ITGAD: variants seen among roughly 807,000 people sequenced by gnomAD.
ITGAD encodes integrin alpha-D.
In ITGAD, 105 loss-of-function variants were observed where a neutral mutation model predicts 139.0. The ratio of observed to expected loss-of-function variants is 0.76; its 90% confidence interval spans 0.65 to 0.89. ITGAD has a LOEUF of 0.89. Among genes scored for constraint, ITGAD ranks in the 40% least tolerant of loss-of-function variants. The pLI, the probability that ITGAD is intolerant of heterozygous loss-of-function variation, is 0.00. For missense variants in ITGAD, 1,384 were observed against 1,487.3 expected (o/e 0.93, Z 1.14); for synonymous variants, 569 against 598.3 (o/e 0.95, Z 0.71).
At chr16:31,401,416 T>G (rs1255993901) in intron 5 of ITGAD, among the ~76,000 whole-genome samples, 1 of 152,172 alleles carries the variant, frequency 6.6e-6, no homozygotes, top group Non-Finnish European at 1.5e-5. Flanking sequence ...CCTAGCGTGA[T>G]TCCTGGGAAG....
Position 31,402,102 on chromosome 16 carries a change from C to CA in ITGAD, c.428-12dup. On this transcript the variant is annotated splice_polypyrimidine_tract_variant and intron_variant, in intron 5 of 29. Coordinates refer to ENST00000389202, the MANE Select transcript of ITGAD (RefSeq NM_005353.3). Reference sequence around the variant, plus strand: ...CCGCAGTGCATCTCCGATTCCTCCCCATTCCCCCACAGAGTGTCCACATCA... The same window carrying CA: ...CCGCAGTGCATCTCCGATTCCTCCCCAATTCCCCCACAGAGTGTCCACATCA... The CA allele has an allele frequency of 1.2e-6, 2 of 1,611,986 alleles. No individual in the cohort carries two copies. The highest frequency in any genetic ancestry group is 1.7e-6 in the Non-Finnish European group (2 of 1,178,350).
At chr16:31,423,981 C>G in intron 27 of ITGAD, 23 bp downstream of exon 27, 1 of 1,612,322 alleles carries the variant, frequency 6.2e-7, no homozygotes, top group Non-Finnish European at 8.5e-7. Context: ...AGCGGCAGAG[C>G]CCCTGCCCCA....
Position 31,423,178 on chromosome 16 carries a change from G to A in ITGAD, c.2845G>A (p.Glu949Lys), listed in dbSNP as rs769407048. The A allele has an allele frequency of 8.1e-6, 13 of 1,613,942 alleles. No homozygotes were observed. The highest frequency in any genetic ancestry group is 1.0e-5 in the Non-Finnish European group (12 of 1,179,804). Residue 949 changes from glutamate to lysine, a missense_variant, in exon 24 of 30, where the codon GAG becomes AAG. By Grantham distance (56) the Glu-to-Lys change is moderately conservative. Coordinates refer to ENST00000389202, the MANE Select transcript of ITGAD (RefSeq NM_005353.3). ...TSDEKKMKEA[E>K]HRYRVNNLSQ... ...CGATGAGAAGAAAATGAAAGAGGCT[G>A]AGCATCGATACCGTGTGAGAGTCTA... is the stretch of plus-strand genomic sequence containing the variant.
At chr16:31,420,658 T>G (rs191512911) in intron 23 of ITGAD, among the ~76,000 whole-genome samples, 28 of 152,320 alleles carry the variant, frequency 1.8e-4, no homozygotes, top group African/African-American at 6.3e-4. Context: ...CACTGAAATC[T>G]CCGCCTCCCA....
chr16:31,405,816 C>T (rs2081525585), intron 7 of ITGAD, among the ~76,000 whole-genome samples: 1 of 151,730 alleles, frequency 6.6e-6, no homozygotes, highest in African/African-American at 2.4e-5. Context: ...TTTTAAAAAA[C>T]ATTTTTTGTA....
chr16:31,420,344 A>G (rs2081983881), intron 23 of ITGAD, among the ~76,000 whole-genome samples: 1 of 151,846 alleles, frequency 6.6e-6, no homozygotes, highest in Non-Finnish European at 1.5e-5. Flanking sequence ...AGAGCAAGGC[A>G]TCCCATACAC....
At chr16:31,420,547 C>T (rs2081988482) in intron 23 of ITGAD, among the ~76,000 whole-genome samples, 1 of 151,602 alleles carries the variant, frequency 6.6e-6, no homozygotes, top group South Asian at 2.1e-4. Flanking sequence ...CAGGCATGCA[C>T]AACCACATCT....
intron 10 of ITGAD, 90 bp from the exon 11 acceptor site, chr16:31,410,305 T>C (rs2081652838): frequency 6.4e-7 from 1 of 1,562,912 alleles, no homozygotes; most frequent in Non-Finnish European, 8.7e-7. Flanking sequence ...AAAGCCTGGA[T>C]GGCGAGTGAT....
Position 31,397,892 on chromosome 16 carries a change from T to TC in ITGAD, c.414dup (p.Asp139ArgfsTer18). The TC allele has an allele frequency of 6.2e-7, 1 of 1,612,630 alleles. No homozygotes were observed. Among genetic ancestry groups the TC allele is most frequent in the Non-Finnish European group, 8.5e-7 (1 of 1,179,516 alleles). ...TCGCGCTGGGAGATCATCCAGACAGTCCCCGACGCCACGCCAGGTAGGTCC... is the reference window on the plus strand; with the variant it reads ...TCGCGCTGGGAGATCATCCAGACAGTCCCCCGACGCCACGCCAGGTAGGTCC... On this transcript the variant is annotated frameshift_variant, in exon 5 of 30. Coordinates refer to ENST00000389202, the MANE Select transcript of ITGAD (RefSeq NM_005353.3). LOFTEE classifies it high-confidence loss of function.
At position 31,416,507 on chromosome 16, in the gene ITGAD, T is replaced by C; in HGVS notation, c.2360T>C (p.Leu787Pro). The C allele has an allele frequency of 6.2e-7, 1 of 1,609,288 alleles. No individual in the cohort carries two copies. The highest frequency in any genetic ancestry group is 1.1e-5 in the South Asian group (1 of 90,986). Reference protein sequence around the residue: ...DLGVTLSFSGLQTLTVGSSLE... With the variant: ...DLGVTLSFSGPQTLTVGSSLE... ...CCAGCCTCGTCCTTCCCCTTCAGCC[T>C]GCAGACCCTGACCGTGGGGAGCTCC... The change falls in exon 20 of 30, where the codon CTG becomes CCG. Residue 787 changes from leucine (L) to proline (P), a missense_variant and splice_region_variant. Transcript: ENST00000389202.
chr16:31,411,576 G>A (rs2081717108), intron 14 of ITGAD, 59 bp downstream of exon 14: 1 of 1,524,590 alleles, frequency 6.6e-7, no homozygotes, highest in Admixed American at 1.7e-5. Context: ...TGAGTTCACT[G>A]AACGCAGCCT....
At chr16:31,398,442 A>C (rs2081326932) in intron 5 of ITGAD, among the ~76,000 whole-genome samples, 1 of 151,330 alleles carries the variant, frequency 6.6e-6, no homozygotes, top group Non-Finnish European at 1.5e-5. Flanking sequence ...AAAAAAAAAA[A>C]ACAAAAAACA....
intron 7 of ITGAD, among the ~76,000 whole-genome samples, chr16:31,405,640 C>CTTTTTT (rs569550173): frequency 9.6e-6 from 1 of 104,016 alleles, no homozygotes; most frequent in African/African-American, 3.8e-5. Flanking sequence ...TTTTGTTTTC[C>CTTTTTT]TTTTTTTTTT....
At chr16:31,422,029 C>T (rs1016396485) in intron 23 of ITGAD, among the ~76,000 whole-genome samples, 1 of 152,022 alleles carries the variant, frequency 6.6e-6, no homozygotes, top group Non-Finnish European at 1.5e-5. Flanking sequence ...CTCCCAGGCT[C>T]AAGCAATCCT....
At chr16:31,422,075 C>T (rs568423466) in intron 23 of ITGAD, among the ~76,000 whole-genome samples, 2 of 151,672 alleles carry the variant, frequency 1.3e-5, no homozygotes, top group African/African-American at 4.8e-5. Context: ...GGACCACAGG[C>T]GTGTGCCACC....
At chr16:31,409,102 G>A (rs1455584642) in intron 10 of ITGAD, among the ~76,000 whole-genome samples, 1 of 152,032 alleles carries the variant, frequency 6.6e-6, no homozygotes. Context: ...GAGACCAACT[G>A]GCCAACATGG....
rs751029380 is a variant in ITGAD at position 31,397,368 on chromosome 16, G to A, written c.147G>A (p.Val49=). 95 of 1,598,486 alleles carry A rather than the reference G, an allele frequency of 5.9e-5. No homozygotes were observed. The highest frequency in any genetic ancestry group is 8.0e-5 in the Non-Finnish European group (94 of 1,172,688). Residue 49 remains valine, a synonymous_variant, in exon 3 of 30, where the codon GTG becomes GTA. Transcript: ENST00000389202. ...ATGGTTGTGTCTCCAGACTCGTGGTGGGAGCACCCCTGGAGGTGGTGGCGG... is the reference window on the plus strand; with the variant it reads ...ATGGTTGTGTCTCCAGACTCGTGGTAGGAGCACCCCTGGAGGTGGTGGCGG... ...VVQFGGSRLV[V]GAPLEVVAAN... is the part of the protein sequence containing the mutation.
Position 31,423,418 on chromosome 16 carries a change from G to A in ITGAD, c.2926G>A (p.Gly976Arg), listed in dbSNP as rs759491290. 2.3e-5 allele frequency: 37 copies of A among 1,613,996 alleles called. No individual in the cohort carries two copies. The highest frequency in any genetic ancestry group is 4.5e-5 in the East Asian group (2 of 44,894). ...CTTCTGGGTTCCTGTCCTGCTGAAC[G>A]GGGTGGCTGTGTGGGATGTGGTCAT... ...INFWVPVLLNGVAVWDVVMEA... is the reference protein window; with the variant it reads ...INFWVPVLLNRVAVWDVVMEA... The change falls in exon 25 of 30, where the codon GGG becomes AGG. Residue 976 changes from glycine (G) to arginine (R), a missense_variant. Coordinates refer to ENST00000389202, the MANE Select transcript of ITGAD (RefSeq NM_005353.3).
chr16:31,418,028 C>G, intron 20 of ITGAD, 47 bp from the exon 21 acceptor site: 1 of 1,459,922 alleles, frequency 6.8e-7, no homozygotes. Flanking sequence ...GTATCAAGCC[C>G]ACACATGCAT....
Sources: gnomAD v4.1 joint callset for allele counts (sites outside exome capture counted in the v4.1 genomes callset) on GRCh38, gnomAD v4.1.1 for gene constraint, MANE v1.5 for transcripts, NCBI Gene and HGNC (gene_info 2026-07-23, HGNC 2026-07-21) for gene names.